Variants in TDRD12 observed in about 807,000 individuals in gnomAD.
TDRD12 encodes the protein putative ATP-dependent RNA helicase TDRD12.
In TDRD12, 158 loss-of-function variants were observed where a neutral mutation model predicts 133.5. The observed-to-expected ratio is 1.18, with a 90% CI of 1.04 to 1.35. The LOEUF is 1.35. Among genes scored for constraint, TDRD12 ranks in the 40% most tolerant of loss-of-function variants. The probability of loss-of-function intolerance (pLI) is 0.00; values close to 1 mark genes in which losing one functional copy is unlikely to be tolerated. For synonymous variants in TDRD12, 460 were observed against 477.9 expected, an observed-to-expected ratio of 0.96 and a Z score of 0.49; for missense variants, 1,443 against 1,321.3, an observed-to-expected ratio of 1.09 and a Z score of -1.43.
At chr19:32,760,709 C>T (rs2145562517) in intron 8 of TDRD12, among the ~76,000 whole-genome samples, 1 of 152,308 alleles carries the variant, frequency 6.6e-6, no homozygotes, top group East Asian at 1.9e-4. Flanking sequence ...CCCTAACCCA[C>T]ATTCATTCAT....
At chr19:32,767,868 A>G (rs75493524) in intron 8 of TDRD12, among the ~76,000 whole-genome samples, 1 of 152,308 alleles carries the variant, frequency 6.6e-6, no homozygotes, top group East Asian at 1.9e-4. Flanking sequence ...AGAGTTAGAA[A>G]ACTGCAGCCA....
intron 1 of TDRD12, among the ~76,000 whole-genome samples, chr19:32,730,331 C>T (rs760177148): frequency 5.3e-5 from 8 of 152,164 alleles, no homozygotes; most frequent in Non-Finnish European, 7.3e-5. Context: ...GTTAACACCA[C>T]GTGGACTGGG....
chr19:32,746,259 T>A (rs1469787856), intron 4 of TDRD12, among the ~76,000 whole-genome samples: 6 of 139,272 alleles, frequency 4.3e-5, no homozygotes, highest in South Asian at 2.4e-4. Context: ...TCTGTGTGTG[T>A]GAGAGAGAGA....
chr19:32,735,934 C>T (rs185484254), intron 2 of TDRD12, among the ~76,000 whole-genome samples: 1 of 152,288 alleles, frequency 6.6e-6, no homozygotes, highest in African/African-American at 2.4e-5. Flanking sequence ...GGCACCACTG[C>T]ACTCCAGCCT....
At chr19:32,720,199 C>T in intron 1 of TDRD12, 103 bp downstream of exon 1, 1 of 1,353,130 alleles carries the variant, frequency 7.4e-7, no homozygotes, top group South Asian at 1.3e-5. Flanking sequence ...GCACAGCTTC[C>T]TACACCCACC....
intron 1 of TDRD12, among the ~76,000 whole-genome samples, chr19:32,724,061 G>A (rs931854277): frequency 5.3e-5 from 8 of 151,828 alleles, no homozygotes; most frequent in African/African-American, 1.9e-4. Flanking sequence ...GTCTCACTGT[G>A]TTGCCCAGGC....
chr19:32,821,087 G>T (rs969725308), exon 28 of TDRD12: 2 of 1,535,926 alleles, frequency 1.3e-6, no homozygotes, highest in Non-Finnish European at 1.7e-6. Context: ...CTGAGGACAC[G>T]GGTGCAGAAG....
chr19:32,818,225 A>G (rs2145750005), intron 27 of TDRD12, 68 bp downstream of exon 27: 1 of 663,108 alleles, frequency 1.5e-6, no homozygotes, highest in South Asian at 1.7e-5. Flanking sequence ...TGAGGGGGAC[A>G]GTGCATGGGG....
intron 4 of TDRD12, among the ~76,000 whole-genome samples, chr19:32,747,856 AT>A (rs1491469346): frequency 6.6e-6 from 1 of 151,830 alleles, no homozygotes; most frequent in East Asian, 1.9e-4. Context: ...TAAAAAAAAA[AT>A]TTTTTTTAAT....
Position 32,744,028 on chromosome 19 carries a change from C to CAAA in TDRD12, c.440+1144_440+1146dup, listed in dbSNP as rs1046198554. On this transcript the variant is annotated intron_variant, in intron 4 of 27. Transcript: ENST00000444215. Reference sequence around the variant, plus strand: ...GGGCAACAAGAGTGAAACTCCATCTCAAAAAAAAAAAAAAAAAAGTATGTT... The same window carrying CAAA: ...GGGCAACAAGAGTGAAACTCCATCTCAAAAAAAAAAAAAAAAAAAAAGTATGTT... 9.2e-4 allele frequency among the ~76,000 whole-genome samples: 74 copies of CAAA among 80,444 alleles called. 2 individuals are homozygous for CAAA. The highest frequency in any genetic ancestry group is 7.9e-3 in the Admixed American group (58 of 7,314). 52.8% of individuals were successfully genotyped at this position (80,444 alleles called of 152,430 possible).
At chr19:32,826,696 C>T in intron 9 of TDRD12, 1 of 1,232,326 alleles carries the variant, frequency 8.1e-7, no homozygotes, top group Non-Finnish European at 1.0e-6. Flanking sequence ...CCCAACGTGG[C>T]TTTTGATTTT....
intron 4 of TDRD12, among the ~76,000 whole-genome samples, chr19:32,746,889 TGA>T (rs140171399): frequency 4.6e-4 from 62 of 134,626 alleles, no homozygotes; most frequent in African/African-American, 5.4e-4. Flanking sequence ...TGTGTGTGTG[TGA>T]GAGAGAGAGA....
chr19:32,748,622 T>A, intron 5 of TDRD12, 91 bp downstream of exon 5: 2 of 1,359,108 alleles, frequency 1.5e-6, no homozygotes, highest in Non-Finnish European at 2.0e-6. Context: ...GAGATGCCCC[T>A]GTTGGCCAAA....
At chr19:32,763,889 A>G (rs545939346) in intron 8 of TDRD12, among the ~76,000 whole-genome samples, 4 of 152,120 alleles carry the variant, frequency 2.6e-5, no homozygotes, top group Non-Finnish European at 5.9e-5. Flanking sequence ...TGCTGGGGCA[A>G]CAGTTTGCCC....
chr19:32,739,890 T>TCCTGGTGCGCTGTCTGCATCC, intron 3 of TDRD12, among the ~76,000 whole-genome samples: 1 of 133,498 alleles, frequency 7.5e-6, no homozygotes, highest in Admixed American at 8.0e-5. Context: ...TGTCTGCATC[T>TCCTGGTGCGCTGTCTGCATCC]CCTGGGTGCT....
intron 21 of TDRD12, among the ~76,000 whole-genome samples, chr19:32,805,415 G>A (rs911464425): frequency 2.0e-5 from 3 of 151,488 alleles, no homozygotes; most frequent in African/African-American, 7.3e-5. Context: ...AAAAATATGT[G>A]TGTAATATGA....
intron 4 of TDRD12, among the ~76,000 whole-genome samples, chr19:32,746,663 G>A (rs1392590413): frequency 7.0e-6 from 1 of 142,572 alleles, no homozygotes; most frequent in Non-Finnish European, 1.5e-5. Flanking sequence ...TGTGACAGAG[G>A]GGGAGAGAGA....
intron 11 of TDRD12, among the ~76,000 whole-genome samples, chr19:32,782,379 G>A (rs563519240): frequency 6.6e-6 from 1 of 152,208 alleles, no homozygotes; most frequent in South Asian, 2.1e-4. Flanking sequence ...ATGGACATTT[G>A]GGTTGGTTCC....
At chr19:32,764,410 A>G (rs1970238034) in intron 8 of TDRD12, among the ~76,000 whole-genome samples, 1 of 152,034 alleles carries the variant, frequency 6.6e-6, no homozygotes, top group South Asian at 2.1e-4. Flanking sequence ...ATGCCTGGCT[A>G]TATTGTCCAT....
Sources: gnomAD v4.1 joint callset for allele counts (sites outside exome capture counted in the v4.1 genomes callset) on GRCh38, gnomAD v4.1.1 for gene constraint, MANE v1.5 for transcripts, NCBI Gene and HGNC (gene_info 2026-07-23, HGNC 2026-07-21) for gene names.